MLLT10: variants seen among roughly 807,000 people sequenced by gnomAD.
The protein encoded by MLLT10 is protein AF-10.
In MLLT10, 30 loss-of-function variants were observed where a neutral mutation model predicts 129.1. The observed-to-expected ratio is 0.23, with a 90% CI of 0.17 to 0.32. The LOEUF (loss-of-function observed/expected upper bound fraction) is 0.32, where lower values mean the gene tolerates loss of function less well. Among genes scored for constraint, MLLT10 ranks in the 10% least tolerant of loss-of-function variants. MLLT10 has a pLI of 1.00. For synonymous variants in MLLT10, 490 were observed against 446.4 expected, an observed-to-expected ratio of 1.10 and a Z score of -1.23; for missense variants, 1,119 against 1,268.3, an observed-to-expected ratio of 0.88 and a Z score of 1.79.
chr10:21,561,919 C>A (rs1240644923), intron 3 of MLLT10, among the ~76,000 whole-genome samples: 1 of 151,460 alleles, frequency 6.6e-6, no homozygotes, highest in Admixed American at 6.6e-5. Flanking sequence ...AATTCTCCTG[C>A]CTCAGCCTCC....
rs1347647776 is a variant in MLLT10 at position 21,717,737 on chromosome 10, TTCC to T, written c.1878+3796_1878+3798del. Among the ~76,000 whole-genome samples the T allele has an allele frequency of 6.9e-3, 131 of 19,040 alleles. 10 individuals are homozygous for T. The highest frequency in any genetic ancestry group is 9.0e-3 in the Non-Finnish European group (92 of 10,172). 12.5% of individuals were successfully genotyped at this position (19,040 alleles called of 152,430 possible). On this transcript the variant is annotated intron_variant, in intron 14 of 22. Coordinates refer to ENST00000307729, the MANE Select transcript of MLLT10 (RefSeq NM_001195626.3). ...CCTCTTCCTCCTCCTCCTCCTCCTC[TTCC>T]TCCTCCTCTTCCTCCTCCTCCTCCT...
chr10:21,614,689 A>C, intron 6 of MLLT10, 142 bp from the exon 7 acceptor site: 1 of 620,054 alleles, frequency 1.6e-6, no homozygotes, highest in Non-Finnish European at 2.7e-6. Context: ...CAGCTAGAAT[A>C]AAGCTTTTTA....
In MLLT10 at chr10:21,609,896, C is replaced by T. The variant is rs570167387; in HGVS notation, c.406-2452C>T. On this transcript the variant is annotated intron_variant, in intron 5 of 22. Transcript: ENST00000307729. ...GTTTTCTCTCTCACACACACACACA[C>T]GCACATACACAGATTGTGAATTCTC... 2.6e-5 allele frequency among the ~76,000 whole-genome samples: 4 copies of T among 152,222 alleles called. 1 individual carries two copies. The South Asian group carries it at 8.3e-4, about 32-fold the overall frequency.
At chr10:21,722,064 T>C (rs1008756309) in intron 14 of MLLT10, among the ~76,000 whole-genome samples, 1 of 151,932 alleles carries the variant, frequency 6.6e-6, no homozygotes, top group South Asian at 2.1e-4. Context: ...TATATTATCC[T>C]TACATAAAGA....
At chr10:21,624,771 T>C in intron 8 of MLLT10, 1 of 1,117,246 alleles carries the variant, frequency 9.0e-7, no homozygotes, top group Non-Finnish European at 1.3e-6. Flanking sequence ...GCATCTGCCT[T>C]CTCTTGCGTC....
At chr10:21,604,586 TA>T (rs1049957346) in intron 5 of MLLT10, among the ~76,000 whole-genome samples, 1 of 151,940 alleles carries the variant, frequency 6.6e-6, no homozygotes, top group Non-Finnish European at 1.5e-5. Context: ...TGAGACTGTT[TA>T]AAAAAAATAA....
In MLLT10 at chr10:21,656,756, G is replaced by A. The variant is rs181587099; in HGVS notation, c.795+4988G>A. On this transcript the variant is annotated intron_variant, in intron 9 of 22. Coordinates refer to ENST00000307729, the MANE Select transcript of MLLT10 (RefSeq NM_001195626.3). ...TGTAATATTTTCACACAAATCTTTG[G>A]TAACGATGGTAGTGGACCACCGGTG... Among the ~76,000 whole-genome samples, 12 of 152,114 alleles carry A rather than the reference G, an allele frequency of 7.9e-5. No individual in the cohort carries two copies. The East Asian group carries it at 2.3e-3, about 29-fold the overall frequency.
At chr10:21,548,376 CT>C (rs749491589) in intron 3 of MLLT10, among the ~76,000 whole-genome samples, 132 of 140,824 alleles carry the variant, frequency 9.4e-4, no homozygotes, top group East Asian at 1.4e-3. Context: ...TCTATCTTAT[CT>C]TTTTTTTTTT....
intron 4 of MLLT10, among the ~76,000 whole-genome samples, chr10:21,594,553 C>CAA (rs34844830): frequency 0.023 from 1,330 of 57,430 alleles, 63 homozygotes; most frequent in African/African-American, 0.089. Flanking sequence ...AACTCTGTCT[C>CAA]AAAAAAAAAA....
chr10:21,728,026 A>G (rs914337929), intron 16 of MLLT10, 98 bp downstream of exon 16: 5 of 894,048 alleles, frequency 5.6e-6, no homozygotes, highest in African/African-American at 3.4e-5. Flanking sequence ...TTGTGAGGCT[A>G]TAAAAGCATT....
intron 8 of MLLT10, among the ~76,000 whole-genome samples, chr10:21,623,723 T>C (rs2046138860): frequency 2.0e-5 from 3 of 152,226 alleles, no homozygotes. Flanking sequence ...TCTAACTCTT[T>C]TTATACTTGT....
chr10:21,737,908 A>G (rs2058507577), intron 21 of MLLT10, among the ~76,000 whole-genome samples: 2 of 152,174 alleles, frequency 1.3e-5, no homozygotes, highest in South Asian at 4.1e-4. Flanking sequence ...AATACTTTTG[A>G]TTCTGGATCA....
At position 21,727,293 on chromosome 10, in the gene MLLT10, T is replaced by C. The variant is rs559180325; in HGVS notation, c.1991-563T>C. ...ATATTTTGAAAAGTTAATTTTTTTCTTTAAAATTCAGGATTCTGTATTCCT... is the reference window on the plus strand; with the variant it reads ...ATATTTTGAAAAGTTAATTTTTTTCCTTAAAATTCAGGATTCTGTATTCCT... On this transcript the variant is annotated intron_variant, in intron 15 of 22. Coordinates refer to ENST00000307729, the MANE Select transcript of MLLT10 (RefSeq NM_001195626.3). Among the ~76,000 whole-genome samples the C allele has an allele frequency of 5.3e-5, 8 of 152,352 alleles. No individual in the cohort carries two copies. The South Asian group carries it at 1.2e-3, about 24-fold the overall frequency.
At chr10:21,554,034 C>T (rs1299506752) in intron 3 of MLLT10, among the ~76,000 whole-genome samples, 1 of 152,170 alleles carries the variant, frequency 6.6e-6, no homozygotes, top group Non-Finnish European at 1.5e-5. Context: ...TTCTGATACT[C>T]ACGATGGTGT....
At chr10:21,593,960 G>C (rs560264125) in intron 4 of MLLT10, among the ~76,000 whole-genome samples, 30 of 119,776 alleles carry the variant, frequency 2.5e-4, no homozygotes, top group African/African-American at 1.1e-3. Context: ...AAAAAAAAAG[G>C]TGGAAATTAT....
chr10:21,692,017 A>AG (rs1564656770), intron 13 of MLLT10, among the ~76,000 whole-genome samples: 1 of 149,510 alleles, frequency 6.7e-6, no homozygotes, highest in African/African-American at 2.4e-5. Flanking sequence ...AAAAAAAAAA[A>AG]AAAAAAAGAG....
chr10:21,608,319 A>G (rs1452616481), intron 5 of MLLT10, among the ~76,000 whole-genome samples: 1 of 151,238 alleles, frequency 6.6e-6, no homozygotes, highest in African/African-American at 2.4e-5. Context: ...ACAGGCTTGC[A>G]CCATCACGCC....
chr10:21,741,321 C>CTAAT (rs1833577160), intron 22 of MLLT10, among the ~76,000 whole-genome samples: 1 of 152,080 alleles, frequency 6.6e-6, no homozygotes, highest in Non-Finnish European at 1.5e-5. Context: ...AAGAAATGCA[C>CTAAT]TAATTACAAA....
intron 13 of MLLT10, among the ~76,000 whole-genome samples, chr10:21,709,043 T>G (rs1434625088): frequency 6.6e-6 from 1 of 152,148 alleles, no homozygotes; most frequent in Non-Finnish European, 1.5e-5. Context: ...GGTTAAGTAG[T>G]TTGATTAAGG....
Sources: gnomAD v4.1 joint callset for allele counts (sites outside exome capture counted in the v4.1 genomes callset) on GRCh38, gnomAD v4.1.1 for gene constraint, MANE v1.5 for transcripts, NCBI Gene and HGNC (gene_info 2026-07-23, HGNC 2026-07-21) for gene names.